DTNBP1: variants seen among roughly 807,000 people sequenced by gnomAD.
DTNBP1 encodes dysbindin.
In DTNBP1, 35 loss-of-function variants were observed where a neutral mutation model predicts 42.8. That is an observed-to-expected ratio of 0.82 (90% confidence interval 0.63 to 1.09). The LOEUF (loss-of-function observed/expected upper bound fraction) is 1.09. DTNBP1 is among the 50% of genes least tolerant of loss of function. DTNBP1 has a pLI of 0.00. For missense variants in DTNBP1, 457 were observed against 424.2 expected, an observed-to-expected ratio of 1.08 and a Z score of -0.68; for synonymous variants, 171 against 162.2, an observed-to-expected ratio of 1.05 and a Z score of -0.41.
At chr6:15,604,218 C>T (rs1561985943) in intron 6 of DTNBP1, among the ~76,000 whole-genome samples, 2 of 152,104 alleles carry the variant, frequency 1.3e-5, no homozygotes, top group Admixed American at 6.6e-5. Flanking sequence ...TTCATTGTTT[C>T]GGGGGAGAGA....
At chr6:15,568,538 G>A (rs1466860561) in intron 7 of DTNBP1, among the ~76,000 whole-genome samples, 2 of 152,062 alleles carry the variant, frequency 1.3e-5, no homozygotes, top group African/African-American at 2.4e-5. Context: ...GAACTGGACA[G>A]GTCCATTTAT....
rs368338449 is a variant in DTNBP1 at position 15,652,089 on chromosome 6, G to T, written c.108C>A (p.Pro36=). The T allele has an allele frequency of 1.9e-6, 3 of 1,612,604 alleles. No homozygotes were observed. In the South Asian group the frequency reaches 3.3e-5, roughly 18 times the overall value. ...TTAAAATCTTAGCACAAGCTTACCTGGGTTTGCTTTTCACTTTTGCTTCTC... is the reference window on the plus strand; with the variant it reads ...TTAAAATCTTAGCACAAGCTTACCTTGGTTTGCTTTTCACTTTTGCTTCTC... The part of the protein sequence containing the change: ...KSREAKVKSK[P]RTVPFLPKYS... The change falls in exon 2 of 10, where the codon CCC becomes CCA. Residue 36 remains proline, a splice_region_variant and synonymous_variant. Transcript: ENST00000344537.
chr6:15,643,630 A>G (rs1039792869), intron 3 of DTNBP1, among the ~76,000 whole-genome samples: 3 of 152,146 alleles, frequency 2.0e-5, no homozygotes, highest in Non-Finnish European at 4.4e-5. Flanking sequence ...CTGGGGGCCT[A>G]TTTTTAGCCT....
chr6:15,613,092 G>C (rs1758504251), intron 6 of DTNBP1, among the ~76,000 whole-genome samples: 1 of 151,924 alleles, frequency 6.6e-6, no homozygotes, highest in South Asian at 2.1e-4. Flanking sequence ...TGGATCATCA[G>C]AGGTCAGGGG....
At chr6:15,646,733 A>G (rs1760701926) in intron 3 of DTNBP1, among the ~76,000 whole-genome samples, 1 of 152,096 alleles carries the variant, frequency 6.6e-6, no homozygotes, top group South Asian at 2.1e-4. Context: ...CAACTAACTG[A>G]TCTTCAGCAA....
At chr6:15,529,524 C>G (rs1354851881) in intron 8 of DTNBP1, among the ~76,000 whole-genome samples, 1 of 152,210 alleles carries the variant, frequency 6.6e-6, no homozygotes, top group Non-Finnish European at 1.5e-5. Flanking sequence ...AGCCCCAAAC[C>G]TCGTTCTCTT....
chr6:15,532,966 T>G (rs1437500980), intron 8 of DTNBP1, among the ~76,000 whole-genome samples: 3 of 152,110 alleles, frequency 2.0e-5, no homozygotes, highest in Non-Finnish European at 4.4e-5. Flanking sequence ...GCCAAAGTGC[T>G]GGGATTACAG....
At chr6:15,623,090 C>T (rs1156461525) in intron 5 of DTNBP1, among the ~76,000 whole-genome samples, 1 of 152,112 alleles carries the variant, frequency 6.6e-6, no homozygotes, top group Non-Finnish European at 1.5e-5. Flanking sequence ...TTAAGAAGTA[C>T]ATTAACTTGC....
At chr6:15,528,914 G>A (rs1164734917) in intron 8 of DTNBP1, among the ~76,000 whole-genome samples, 1 of 152,194 alleles carries the variant, frequency 6.6e-6, no homozygotes, top group Non-Finnish European at 1.5e-5. Flanking sequence ...CCCTCCAGGG[G>A]ACTGTGGGAC....
At chr6:15,559,305 T>G (rs1774707148) in intron 7 of DTNBP1, among the ~76,000 whole-genome samples, 1 of 152,178 alleles carries the variant, frequency 6.6e-6, no homozygotes, top group South Asian at 2.1e-4. Context: ...ATTCAGCATT[T>G]GAAGCAAATT....
chr6:15,553,445 G>C (rs1774326547), intron 7 of DTNBP1, among the ~76,000 whole-genome samples: 1 of 151,818 alleles, frequency 6.6e-6, no homozygotes, highest in Non-Finnish European at 1.5e-5. Flanking sequence ...ATTCCAGAGA[G>C]ATGGTAAGTG....
intron 6 of DTNBP1, among the ~76,000 whole-genome samples, chr6:15,595,856 T>C (rs1293802384): frequency 6.6e-6 from 1 of 152,156 alleles, no homozygotes; most frequent in Non-Finnish European, 1.5e-5. Flanking sequence ...GCAGGCTGAA[T>C]GAAGAGAAAG....
intron 6 of DTNBP1, among the ~76,000 whole-genome samples, chr6:15,607,138 G>A (rs1158169503): frequency 6.6e-6 from 1 of 151,408 alleles, no homozygotes; most frequent in Non-Finnish European, 1.5e-5. Context: ...AGCCTCTTGA[G>A]TGTCTGGGAT....
chr6:15,603,776 A>C (rs993605576), intron 6 of DTNBP1, among the ~76,000 whole-genome samples: 3 of 152,334 alleles, frequency 2.0e-5, no homozygotes, highest in African/African-American at 7.2e-5. Context: ...CACCGAGTCC[A>C]CTTCCCAATA....
intron 7 of DTNBP1, among the ~76,000 whole-genome samples, chr6:15,566,188 G>A (rs952821007): frequency 1.8e-4 from 27 of 150,968 alleles, no homozygotes; most frequent in East Asian, 3.9e-4. Flanking sequence ...AGTGGCGGGC[G>A]CCTGTAGTCC....
chr6:15,538,697 T>G (rs1021068850), intron 7 of DTNBP1, among the ~76,000 whole-genome samples: 2 of 152,216 alleles, frequency 1.3e-5, no homozygotes, highest in African/African-American at 4.8e-5. Flanking sequence ...CTGAGTGCCT[T>G]ACCTTACGTA....
rs77460377 is a variant in DTNBP1 at position 15,637,804 on chromosome 6, C to A, written c.162G>T (p.Arg54Ser). The stretch of plus-strand genomic sequence containing the variant: ...GAAGTGCAGCCCATGTATCCTCATA[C>A]CTAAAAAAAAGCAAAAAATAATTTG... ...KYSAGLELLS[R>S]YEDTWAALHR... is the part of the protein sequence containing the mutation. The change falls in exon 4 of 10, where the codon AGG becomes AGT. Residue 54 changes from arginine (R) to serine (S), a missense_variant and splice_region_variant. Physicochemically the swap from Arg to Ser is moderately radical, Grantham distance 110. Coordinates refer to ENST00000344537, the MANE Select transcript of DTNBP1 (RefSeq NM_032122.5). 8.3e-5 allele frequency: 134 copies of A among 1,612,390 alleles called. 4 individuals are homozygous for A. In the South Asian group the frequency reaches 1.4e-3, roughly 17 times the overall value.
At chr6:15,581,870 G>A (rs895853305) in intron 7 of DTNBP1, among the ~76,000 whole-genome samples, 1 of 152,170 alleles carries the variant, frequency 6.6e-6, no homozygotes, top group Non-Finnish European at 1.5e-5. Context: ...TGTCCAAGGG[G>A]GACACAGTGT....
At chr6:15,559,231 G>A (rs908828624) in intron 7 of DTNBP1, among the ~76,000 whole-genome samples, 2 of 152,176 alleles carry the variant, frequency 1.3e-5, no homozygotes, top group Non-Finnish European at 2.9e-5. Context: ...CGATCGTCAA[G>A]GCTGATCCTC....
Sources: gnomAD v4.1 joint callset for allele counts (sites outside exome capture counted in the v4.1 genomes callset) on GRCh38, gnomAD v4.1.1 for gene constraint, MANE v1.5 for transcripts, NCBI Gene and HGNC (gene_info 2026-07-23, HGNC 2026-07-21) for gene names.